The following ATG4A variants were observed in gnomAD, a reference collection of about 807,000 sequenced individuals.
ATG4A encodes the protein autophagy related 4A cysteine peptidase.
ATG4A carries 22 observed loss-of-function variants against 38.4 expected under a neutral mutation model. The ratio of observed to expected loss-of-function variants is 0.57; its 90% CI spans 0.41 to 0.82. The LOEUF is 0.82. ATG4A is among the 40% of genes least tolerant of loss of function. The probability of loss-of-function intolerance (pLI) is 0.00; values close to 1 mark genes in which losing one functional copy is unlikely to be tolerated. For missense variants in ATG4A, 220 were observed against 290.0 expected (o/e 0.76, Z 1.75); for synonymous variants, 86 against 100.7 (o/e 0.85, Z 0.88).
chrX:108,123,592 C>T (rs2032715279), intron 1 of ATG4A, among the ~76,000 whole-genome samples: 1 of 111,727 alleles, frequency 9.0e-6, no homozygotes, highest in African/African-American at 3.3e-5. Context: ...CATGTAGCCT[C>T]GATTCAAGGA....
At chrX:108,095,383 C>T (rs2031775233) in intron 1 of ATG4A, among the ~76,000 whole-genome samples, 1 of 111,701 alleles carries the variant, frequency 9.0e-6, no homozygotes, top group African/African-American at 3.3e-5. Flanking sequence ...CACCAACACA[C>T]TCAGCCAATT....
intron 1 of ATG4A, among the ~76,000 whole-genome samples, chrX:108,095,209 G>C (rs1327951083): frequency 8.9e-6 from 1 of 112,021 alleles, no homozygotes; most frequent in Non-Finnish European, 1.9e-5. Context: ...TTACAGGCAT[G>C]AGCCACTGTG....
At chrX:108,129,822 G>A (rs943554023) in intron 3 of ATG4A, among the ~76,000 whole-genome samples, 7 of 107,941 alleles carry the variant, frequency 6.5e-5, no homozygotes, top group Non-Finnish European at 1.3e-4. Flanking sequence ...CGCCCACCTC[G>A]GCCTCCCAAA....
At chrX:108,115,506 A>C (rs774096803) in intron 1 of ATG4A, among the ~76,000 whole-genome samples, 14 of 111,747 alleles carry the variant, frequency 1.3e-4, no homozygotes, top group Non-Finnish European at 2.6e-4. Context: ...CTTTATGTAA[A>C]TTGAGTCATA....
chrX:108,090,973 G>A (rs775909227), upstream of ATG4A, among the ~76,000 whole-genome samples: 1 of 113,041 alleles, frequency 8.8e-6, no homozygotes, highest in South Asian at 3.6e-4. Context: ...AATCGGACAT[G>A]TTTTTGTGCT....
chrX:108,098,907 A>C (rs2031916915), intron 1 of ATG4A, among the ~76,000 whole-genome samples: 2 of 111,632 alleles, frequency 1.8e-5, no homozygotes, highest in Non-Finnish European at 3.8e-5. Flanking sequence ...ACATTTTTAA[A>C]TGTCCAGTTT....
intron 9 of ATG4A, among the ~76,000 whole-genome samples, chrX:108,142,957 T>C (rs2033340204): frequency 8.9e-6 from 1 of 111,761 alleles, no homozygotes; most frequent in African/African-American, 3.3e-5. Flanking sequence ...CCTGAGATCA[T>C]ACATCATCTT....
chrX:108,110,135 C>G (rs2032313705), intron 1 of ATG4A, among the ~76,000 whole-genome samples: 1 of 105,436 alleles, frequency 9.5e-6, no homozygotes, highest in Non-Finnish European at 1.9e-5. Context: ...CTTTGGGAGG[C>G]CAAGGCGGGG....
rs889066930 is a variant in ATG4A, at chrX:108,112,395, CT to C, written c.11-13668del. 7.5e-3 allele frequency among the ~76,000 whole-genome samples: 769 copies of C among 102,318 alleles called. 1 individual carries two copies. The highest frequency in any genetic ancestry group is 0.024 in the African/African-American group (679 of 28,364). The allele number at this position is 102,318 out of a possible 115,157, so 88.9% of individuals were successfully genotyped here. A position where few individuals can be genotyped will look rare whatever the true frequency, so the allele number is the denominator to read the frequency against. On this transcript the variant is annotated intron_variant, in intron 1 of 12. Coordinates refer to ENST00000372232, the MANE Select transcript of ATG4A (RefSeq NM_052936.5). ...TCTAAAACACAATCTACTTCCCTGA[CT>C]TTTTTTTTTTTTTGAGACGGAGTCT...
At chrX:108,126,984 T>C in intron 2 of ATG4A, 1 of 262,861 alleles carries the variant, frequency 3.8e-6, no homozygotes, top group Non-Finnish European at 7.4e-6. Context: ...TTAGGCATTG[T>C]GGAGCTCCTC....
At chrX:108,141,727 G>T (rs763549865) in intron 9 of ATG4A, among the ~76,000 whole-genome samples, 4 of 111,909 alleles carry the variant, frequency 3.6e-5, no homozygotes, top group Middle Eastern at 4.6e-3. Context: ...GCAGGTGGTT[G>T]GTCAGCCTGC....
At chrX:108,106,717 C>T (rs756753652) in intron 1 of ATG4A, among the ~76,000 whole-genome samples, 1 of 112,228 alleles carries the variant, frequency 8.9e-6, no homozygotes, top group Admixed American at 9.4e-5. Context: ...TGCCATTTCC[C>T]TTTGGACTCC....
At chrX:108,094,032 A>G (rs1026241050) in intron 1 of ATG4A, among the ~76,000 whole-genome samples, 1 of 110,323 alleles carries the variant, frequency 9.1e-6, no homozygotes, top group African/African-American at 3.3e-5. Flanking sequence ...TCTTTTTTTG[A>G]TGGTGTCTTT....
chrX:108,098,791 T>G (rs1224235556), intron 1 of ATG4A, among the ~76,000 whole-genome samples: 1 of 112,261 alleles, frequency 8.9e-6, no homozygotes, highest in Non-Finnish European at 1.9e-5. Context: ...ATAATACATT[T>G]GAGACTCATT....
chrX:108,112,725 T>C (rs1417817203), intron 1 of ATG4A, among the ~76,000 whole-genome samples: 1 of 111,111 alleles, frequency 9.0e-6, no homozygotes, highest in East Asian at 2.8e-4. Flanking sequence ...GTATATAGAA[T>C]ATAAATTTGT....
intron 1 of ATG4A, among the ~76,000 whole-genome samples, chrX:108,105,958 A>C (rs971112700): frequency 1.8e-5 from 2 of 111,139 alleles, no homozygotes; most frequent in African/African-American, 6.6e-5. Flanking sequence ...CTTTGTGCTT[A>C]CCTAGGGTAT....
intron 4 of ATG4A, 33 bp from the exon 5 acceptor site, chrX:108,134,024 A>C (rs1321558092): frequency 3.7e-6 from 4 of 1,086,774 alleles, no homozygotes; most frequent in Non-Finnish European, 5.0e-6. Context: ...CAGTTATAAA[A>C]ATGTTTCTAA....
At chrX:108,104,431 C>G (rs2032109893) in intron 1 of ATG4A, among the ~76,000 whole-genome samples, 1 of 110,135 alleles carries the variant, frequency 9.1e-6, no homozygotes. Flanking sequence ...TCCTGGTTGG[C>G]AGGTTTTTTT....
At chrX:108,129,540 T>C (rs2032892188) in intron 3 of ATG4A, among the ~76,000 whole-genome samples, 1 of 110,742 alleles carries the variant, frequency 9.0e-6, no homozygotes, top group Non-Finnish European at 1.9e-5. Flanking sequence ...GTGCCAAAAA[T>C]GAAGGTCACA....
Sources: allele counts gnomAD v4.1 joint callset (sites outside exome capture counted in the v4.1 genomes callset), GRCh38; gene constraint gnomAD v4.1.1; transcripts MANE v1.5; gene names NCBI Gene and HGNC (gene_info 2026-07-23, HGNC 2026-07-21).